The following FANCM variants were observed in gnomAD, a reference collection of about 807,000 sequenced individuals.
The protein encoded by FANCM is Fanconi anemia group M protein.
A neutral mutation model predicts 199.5 loss-of-function variants in FANCM; 140 were observed. The observed-to-expected ratio is 0.70, with a 90% confidence interval of 0.61 to 0.81. The LOEUF is 0.81. Ranked by LOEUF, FANCM falls within the 30% of genes least tolerant of loss-of-function variation. The pLI is 0.00. For synonymous variants in FANCM, 840 were observed against 836.8 expected (o/e 1.00, Z -0.07); for missense variants, 2,410 against 2,421.4 (o/e 1.00, Z 0.10).
chr14:45,168,946 C>G (rs1422609181), intron 11 of FANCM, among the ~76,000 whole-genome samples: 3 of 150,916 alleles, frequency 2.0e-5, no homozygotes, highest in Non-Finnish European at 2.9e-5. Flanking sequence ...TTTTTTGAGA[C>G]AGTCTCGTGT....
chr14:45,149,645 G>T (rs1318190571), intron 4 of FANCM, among the ~76,000 whole-genome samples: 1 of 152,106 alleles, frequency 6.6e-6, no homozygotes, highest in Non-Finnish European at 1.5e-5. Flanking sequence ...TGGGATTACA[G>T]GTGTAAGCCA....
At position 45,176,486 on chromosome 14, in the gene FANCM, A is replaced by T. The variant is rs758622019; in HGVS notation, c.3732A>T (p.Glu1244Asp). Residue 1244 changes from glutamate (E) to aspartate (D), a missense_variant, in exon 14 of 23, where the codon GAA (glutamate) becomes GAT (aspartate). Transcript: ENST00000267430. ...LGFCSPDSDD[E>D]ILEHTSDSNR... ...TCTGTAGTCCAGATTCTGATGATGA[A>T]ATATTGGAACATACATCAGATAGCA... 1 of 1,609,068 alleles carries T rather than the reference A, an allele frequency of 6.2e-7. No individual in the cohort carries two copies. Among genetic ancestry groups the T allele is most frequent in the East Asian group, 2.2e-5 (1 of 44,804 alleles).
rs112100923 is a variant in FANCM at position 45,156,668 on chromosome 14, C to T, written c.1396+1209C>T. Among the ~76,000 whole-genome samples, 584 of 151,982 alleles carry T rather than the reference C, an allele frequency of 3.8e-3. 5 individuals carry two copies. The highest frequency in any genetic ancestry group is 0.013 in the African/African-American group (546 of 41,442). Reference sequence around the variant, plus strand: ...GGTGCAGTGGCTCACACCTGTAATCCCAGCACTGTGAGAGGCCGAGGTGGG... The same window carrying T: ...GGTGCAGTGGCTCACACCTGTAATCTCAGCACTGTGAGAGGCCGAGGTGGG... On this transcript the variant is annotated intron_variant, in intron 8 of 22. Coordinates refer to ENST00000267430, the MANE Select transcript of FANCM (RefSeq NM_020937.4).
At chr14:45,158,037 A>C (rs1220338613) in intron 8 of FANCM, among the ~76,000 whole-genome samples, 6 of 152,098 alleles carry the variant, frequency 3.9e-5, no homozygotes, top group African/African-American at 1.4e-4. Context: ...TCTCTACAAA[A>C]AAATTTTAAA....
In FANCM at chr14:45,146,227, T is replaced by C. The variant is rs112688752; in HGVS notation, c.760-2610T>C. ...TGGCACTCCAGCCTGGGTGACAGAG[T>C]GAGACTCCGTCTGAAAAAAAAAAAA... On this transcript the variant is annotated intron_variant, in intron 3 of 22. Transcript: ENST00000267430. 2.1e-3 allele frequency among the ~76,000 whole-genome samples: 218 copies of C among 105,886 alleles called. 6 individuals are homozygous for C. Among genetic ancestry groups the C allele is most frequent in the African/African-American group, 8.1e-3 (212 of 26,314 alleles). 69.5% of individuals were successfully genotyped at this position (105,886 alleles called of 152,430 possible).
In FANCM at chr14:45,196,251, C is replaced by T. The variant is rs2139319247; in HGVS notation, c.5420C>T (p.Thr1807Ile). 1 of 1,614,028 alleles carries T rather than the reference C, an allele frequency of 6.2e-7. No homozygotes were observed. Among genetic ancestry groups the T allele is most frequent in the Admixed American group, 1.7e-5 (1 of 60,020 alleles). Residue 1807 changes from threonine (T) to isoleucine (I), a missense_variant, in exon 21 of 23, where the codon ACT becomes ATT. Thr to Ile is a moderately conservative substitution (Grantham distance 89). Transcript: ENST00000267430. ...AGACCACATTTAGCTGGGACACATA[C>T]TTCTCTTAGACTTCCGCAGGAAGGA... is the stretch of plus-strand genomic sequence containing the variant. Reference protein sequence around the residue: ...KSRPHLAGTHTSLRLPQEGKG... With the variant: ...KSRPHLAGTHISLRLPQEGKG...
intron 17 of FANCM, 84 bp from the exon 18 acceptor site, chr14:45,185,133 T>C (rs957060739): frequency 2.1e-6 from 2 of 950,328 alleles, no homozygotes; most frequent in Non-Finnish European, 3.3e-6. Flanking sequence ...TGATAAGAAA[T>C]CAGTTTTCCA....
intron 20 of FANCM, among the ~76,000 whole-genome samples, chr14:45,190,396 G>C (rs1405425075): frequency 6.6e-6 from 1 of 152,040 alleles, no homozygotes; most frequent in Non-Finnish European, 1.5e-5. Context: ...ATACATTGTG[G>C]AATGGCTAGA....
At chr14:45,174,793 C>T (rs991117574) in intron 13 of FANCM, among the ~76,000 whole-genome samples, 2 of 152,014 alleles carry the variant, frequency 1.3e-5, no homozygotes, top group Non-Finnish European at 2.9e-5. Context: ...CTTATGTATT[C>T]ATTCAATTTG....
chr14:45,141,714 C>G (rs1045048370), intron 3 of FANCM, among the ~76,000 whole-genome samples: 1 of 151,444 alleles, frequency 6.6e-6, no homozygotes, highest in African/African-American at 2.4e-5. Context: ...CTCACCCTCC[C>G]GAGTAGCTGG....
At chr14:45,185,134 C>CA (rs1419904559) in intron 17 of FANCM, 83 bp from the exon 18 acceptor site, 10 of 952,146 alleles carry the variant, frequency 1.1e-5, no homozygotes, top group Middle Eastern at 3.0e-4. Context: ...GATAAGAAAT[C>CA]AGTTTTCCAG....
chr14:45,189,161 T>C lies in FANCM; in HGVS notation c.5139T>C (p.Ser1713=). 6.2e-7 allele frequency: 1 copy of C among 1,614,174 alleles called. No individual in the cohort carries two copies. The highest frequency in any genetic ancestry group is 8.5e-7 in the Non-Finnish European group (1 of 1,180,004). ...TAAATTCAGTGCCTTCTGGATCTTC[T>C]GCGCAGTCCAAGGTGCGTTCTACTC... ...HCLNSVPSGS[S]AQSKVRSTPR... is the part of the protein sequence containing the mutation. The change falls in exon 20 of 23, where the codon TCT becomes TCC. Residue 1713 remains serine (S), a synonymous_variant. Transcript: ENST00000267430.
chr14:45,164,559 G>A lies in FANCM; in HGVS notation c.1782G>A (p.Glu594=), dbSNP rs141109534. The A allele has an allele frequency of 1.9e-6, 3 of 1,609,932 alleles. No individual in the cohort carries two copies. Among genetic ancestry groups the A allele is most frequent in the Admixed American group, 1.7e-5 (1 of 59,550 alleles). ...TTATTATCCTTTCTGAAGGACGAGA[G>A]GAACGTGTAAGTAGAGCTGCAGAAA... The part of the protein sequence containing the change: ...RIVIILSEGR[E]ERIYNQSQSN... The change falls in exon 10 of 23, where the codon GAG becomes GAA. Residue 594 remains glutamate (E), a synonymous_variant. Coordinates refer to ENST00000267430, the MANE Select transcript of FANCM (RefSeq NM_020937.4).
At chr14:45,180,118 A>G (rs1463456308) in intron 14 of FANCM, among the ~76,000 whole-genome samples, 1 of 152,178 alleles carries the variant, frequency 6.6e-6, no homozygotes, top group Non-Finnish European at 1.5e-5. Flanking sequence ...ATTTCTGGGT[A>G]CCAAAATCTG....
rs78211950 is a variant in FANCM, at chr14:45,181,697, A to C, written c.4378A>C (p.Ile1460Leu). Reference protein sequence around the residue: ...LHAVKKRRFPINRSELSSSDE... With the variant: ...LHAVKKRRFPLNRSELSSSDE... ...TGCTGTCAAAAAGCGCAGATTTCCT[A>C]TAAACAGAGTAAGTAAATACCAGGT... The change falls in exon 16 of 23, where the codon ATA becomes CTA. Residue 1460 changes from isoleucine (I) to leucine (L), a missense_variant. Physicochemically the swap from Ile to Leu is conservative, Grantham distance 5 (BLOSUM62 2). Transcript: ENST00000267430. 3.1e-6 allele frequency: 5 copies of C among 1,603,302 alleles called. No individual in the cohort carries two copies. In the East Asian group the frequency reaches 1.1e-4, roughly 36 times the overall value.
At position 45,176,735 on chromosome 14, in the gene FANCM, GT is replaced by G. The variant is rs779792989; in HGVS notation, c.3985del (p.Ser1329LeufsTer9). The G allele has an allele frequency of 7.4e-6, 12 of 1,612,942 alleles. No individual in the cohort carries two copies. In the African/African-American group the frequency reaches 1.6e-4, roughly 22 times the overall value. On this transcript the variant is annotated frameshift_variant, in exon 14 of 23. Transcript: ENST00000267430. LOFTEE classifies it high-confidence loss of function. ...EELLSPGYSQ[F>X]SLPVQKKVMS... ...AATTGTTATCTCCTGGTTATTCTCA[GT>G]TTTCTTTACCAGTGCAAAAAAAAGT...
chr14:45,139,989 TA>T (rs1333626602), intron 2 of FANCM, among the ~76,000 whole-genome samples: 3 of 150,806 alleles, frequency 2.0e-5, no homozygotes, highest in South Asian at 2.1e-4. Flanking sequence ...ACCCTGTTTC[TA>T]AAAAAAAAAT....
chr14:45,142,635 C>G (rs1325882292), intron 3 of FANCM, among the ~76,000 whole-genome samples: 1 of 151,954 alleles, frequency 6.6e-6, no homozygotes, highest in Non-Finnish European at 1.5e-5. Context: ...TTTCCATGAC[C>G]TTGATGCTTT....
At chr14:45,163,535 A>G (rs186836751) in intron 9 of FANCM, among the ~76,000 whole-genome samples, 1 of 152,166 alleles carries the variant, frequency 6.6e-6, no homozygotes, top group East Asian at 1.9e-4. Flanking sequence ...TTTTTCATTA[A>G]CTCCTTCTCA....
Sources: gnomAD v4.1 joint callset for allele counts (sites outside exome capture counted in the v4.1 genomes callset) on GRCh38, gnomAD v4.1.1 for gene constraint, MANE v1.5 for transcripts, NCBI Gene and HGNC (gene_info 2026-07-23, HGNC 2026-07-21) for gene names.